DAAM1: variants seen among roughly 807,000 people sequenced by gnomAD.
DAAM1 encodes the protein dishevelled associated activator of morphogenesis 1.
DAAM1 carries 52 observed loss-of-function variants against 130.0 expected under a neutral mutation model. The observed-to-expected ratio is 0.40, with a 90% confidence interval of 0.32 to 0.50. The LOEUF (loss-of-function observed/expected upper bound fraction) is 0.50. DAAM1 is among the 20% of genes least tolerant of loss of function. The probability of loss-of-function intolerance (pLI) is 0.61; values close to 1 mark genes in which losing one functional copy is unlikely to be tolerated. For synonymous variants in DAAM1, 452 were observed against 444.5 expected, an observed-to-expected ratio of 1.02 and a Z score of -0.21; for missense variants, 1,134 against 1,303.8, an observed-to-expected ratio of 0.87 and a Z score of 2.01.
At chr14:59,217,918 C>T (rs1187261952) in intron 1 of DAAM1, among the ~76,000 whole-genome samples, 6 of 150,410 alleles carry the variant, frequency 4.0e-5, no homozygotes, top group South Asian at 2.1e-4. Context: ...ACCCAGGAGG[C>T]GGAGGTTGCA....
At chr14:59,321,526 G>T (rs1028931811) in intron 5 of DAAM1, among the ~76,000 whole-genome samples, 1 of 152,132 alleles carries the variant, frequency 6.6e-6, no homozygotes, top group Non-Finnish European at 1.5e-5. Flanking sequence ...CTGATAATCA[G>T]CTTCTATGTT....
At chr14:59,242,777 C>G (rs1881187797) in intron 1 of DAAM1, among the ~76,000 whole-genome samples, 1 of 152,102 alleles carries the variant, frequency 6.6e-6, no homozygotes, top group Non-Finnish European at 1.5e-5. Flanking sequence ...CCAGGATGGT[C>G]TCGATCTCTT....
chr14:59,194,760 A>G (rs1887832334), intron 1 of DAAM1, among the ~76,000 whole-genome samples: 1 of 152,210 alleles, frequency 6.6e-6, no homozygotes, highest in African/African-American at 2.4e-5. Context: ...ACTTTTATTT[A>G]TTTTTACAGT....
In DAAM1 at chr14:59,352,632, G is replaced by C; in HGVS notation, c.2267G>C (p.Arg756Pro). ...GATAGGTTCCTTTTTGAGATGAGCC[G>C]GTGAGTTTGAAAATGCTGGGAATGT... ...KADRFLFEMS[R>P]INHYQQRLQS... Residue 756 changes from arginine to proline, a missense_variant and splice_region_variant, in exon 18 of 25, where the codon CGA becomes CCA. This residue lies in a region of DAAM1 where 644 missense variants were observed against 695.9 expected (regional missense o/e 0.93). Coordinates refer to ENST00000360909, the MANE Select transcript of DAAM1 (RefSeq NM_001270520.2). The C allele has an allele frequency of 6.2e-7, 1 of 1,610,266 alleles. No homozygotes were observed. Among genetic ancestry groups the C allele is most frequent in the Non-Finnish European group, 8.5e-7 (1 of 1,178,254 alleles).
chr14:59,264,355 T>C (rs1449206368), intron 2 of DAAM1: 2 of 152,554 alleles, frequency 1.3e-5, no homozygotes, highest in African/African-American at 4.8e-5. Flanking sequence ...CAGAAGATAT[T>C]ATGGCATAGT....
chr14:59,289,784 A>ATATATATATATATATACAT, intron 2 of DAAM1, among the ~76,000 whole-genome samples: 1 of 128,764 alleles, frequency 7.8e-6, no homozygotes, highest in African/African-American at 2.9e-5. Flanking sequence ...ATATATATAT[A>ATATATATATATATATACAT]ATGGAATGCT....
At chr14:59,324,555 G>A in intron 8 of DAAM1, 101 bp downstream of exon 8, 1 of 577,732 alleles carries the variant, frequency 1.7e-6, no homozygotes, top group Non-Finnish European at 2.7e-6. Context: ...TGCCCTGTCT[G>A]TAACATAAAG....
intron 23 of DAAM1, among the ~76,000 whole-genome samples, chr14:59,365,647 G>GTATTACTGAGA (rs1349161108): frequency 3.2e-4 from 49 of 152,162 alleles, no homozygotes; most frequent in Non-Finnish European, 6.0e-4. Flanking sequence ...AAGGTAGATG[G>GTATTACTGAGA]TATTACTGAG....
intron 1 of DAAM1, among the ~76,000 whole-genome samples, chr14:59,238,413 G>A (rs922389318): frequency 2.6e-5 from 4 of 152,072 alleles, no homozygotes; most frequent in Admixed American, 6.6e-5. Context: ...TGCTCTGTAC[G>A]GTGGCCTTGT....
intron 1 of DAAM1, among the ~76,000 whole-genome samples, chr14:59,261,529 T>C (rs1882155030): frequency 6.6e-6 from 1 of 152,192 alleles, no homozygotes; most frequent in Admixed American, 6.5e-5. Flanking sequence ...TTTGGCTTAG[T>C]CTTTATTTAA....
chr14:59,235,870 C>T (rs1470006), intron 1 of DAAM1, among the ~76,000 whole-genome samples: 24,419 of 152,106 alleles, frequency 0.16, 2,442 homozygotes, highest in East Asian at 0.33. Context: ...CAGCCAATTG[C>T]TTTGAAAGAG....
chr14:59,348,326 C>G (rs977144075), intron 17 of DAAM1, among the ~76,000 whole-genome samples: 1 of 151,656 alleles, frequency 6.6e-6, no homozygotes, highest in Admixed American at 6.6e-5. Flanking sequence ...TGTAGCCTCT[C>G]CAACGGGATC....
intron 17 of DAAM1, among the ~76,000 whole-genome samples, chr14:59,349,675 TGA>T (rs766192431): frequency 2.0e-5 from 3 of 152,326 alleles, no homozygotes; most frequent in Non-Finnish European, 4.4e-5. Context: ...TGATCTCAGA[TGA>T]GAGAGAGAGC....
intron 4 of DAAM1, among the ~76,000 whole-genome samples, chr14:59,315,645 A>G (rs1322933471): frequency 6.6e-6 from 1 of 152,224 alleles, no homozygotes; most frequent in East Asian, 1.9e-4. Flanking sequence ...TTAACTTGCA[A>G]TTGCTCTTAC....
At chr14:59,264,895 C>T (rs1308786931) in intron 2 of DAAM1, 1 of 152,132 alleles carries the variant, frequency 6.6e-6, no homozygotes, top group Non-Finnish European at 1.5e-5. Flanking sequence ...TCATTCAGCT[C>T]CCACTTATTA....
At chr14:59,297,941 T>A (rs1884019936) in intron 3 of DAAM1, among the ~76,000 whole-genome samples, 1 of 152,170 alleles carries the variant, frequency 6.6e-6, no homozygotes, top group Non-Finnish European at 1.5e-5. Context: ...TAAAACTTTG[T>A]AATTAGTATA....
At chr14:59,352,700 C>CA in intron 18 of DAAM1, 68 bp downstream of exon 18, 1 of 1,401,374 alleles carries the variant, frequency 7.1e-7, no homozygotes, top group Admixed American at 2.0e-5. Flanking sequence ...ATTTTCAATT[C>CA]ATGTTGAATT....
intron 1 of DAAM1, among the ~76,000 whole-genome samples, chr14:59,259,002 G>C (rs746708178): frequency 6.6e-6 from 1 of 152,120 alleles, no homozygotes; most frequent in Admixed American, 6.5e-5. Context: ...GAACTGTTGG[G>C]ATTTTCTTTT....
Position 59,353,952 on chromosome 14 carries a change from C to T in DAAM1, c.2344C>T (p.Pro782Ser). The change falls in exon 19 of 25, where the codon CCT (proline) becomes TCT (serine). Residue 782 changes from proline (P) to serine (S), a missense_variant. Coordinates refer to ENST00000360909, the MANE Select transcript of DAAM1 (RefSeq NM_001270520.2). ...TGCAGAGCGTGTGGCAGAAGTGAAA[C>T]CTAAAGTGGAAGGTAAAGTCAAGCT... ...KFAERVAEVK[P>S]KVEAIRSGSE... The T allele has an allele frequency of 6.2e-7, 1 of 1,613,628 alleles. No individual in the cohort carries two copies. Among genetic ancestry groups the T allele is most frequent in the Non-Finnish European group, 8.5e-7 (1 of 1,179,804 alleles).
Sources: allele counts gnomAD v4.1 joint callset (sites outside exome capture counted in the v4.1 genomes callset), GRCh38; gene constraint gnomAD v4.1.1; regional missense constraint gnomAD v4.1.1; transcripts MANE v1.5; gene names NCBI Gene and HGNC (gene_info 2026-07-23, HGNC 2026-07-21).